ANKRD17: variants seen among roughly 807,000 people sequenced by gnomAD.
ANKRD17 encodes ankyrin repeat domain 17.
Under a neutral mutation model 229.7 loss-of-function variants are expected in ANKRD17, and 19 were observed. That is an observed-to-expected ratio of 0.08 (90% CI 0.06 to 0.12). The LOEUF is 0.12. Among genes scored for constraint, ANKRD17 ranks in the 10% least tolerant of loss-of-function variants. The pLI, the probability that ANKRD17 is intolerant of heterozygous loss-of-function variation, is 1.00. For synonymous variants in ANKRD17, 1,112 were observed against 1,146.1 expected, an observed-to-expected ratio of 0.97 and a Z score of 0.60; for missense variants, 2,176 against 3,176.8, an observed-to-expected ratio of 0.68 and a Z score of 7.57.
At position 73,248,169 on chromosome 4, in the gene ANKRD17, ACT is replaced by A. The variant is rs1279327635; in HGVS notation, c.393+10105_393+10106del. ...CTTCAAGGTAAAATTAGAATGGATG[ACT>A]CTTTAGTATAATCTAGTTGTCAAGG... On this transcript the variant is annotated intron_variant, in intron 1 of 33. Transcript: ENST00000358602. Among the ~76,000 whole-genome samples the A allele has an allele frequency of 2.0e-5, 3 of 151,952 alleles. 1 individual carries two copies. Among genetic ancestry groups the A allele is most frequent in the Non-Finnish European group, 4.4e-5 (3 of 67,870 alleles).
At position 73,100,888 on chromosome 4, in the gene ANKRD17, A is replaced by C. The variant is rs1723897540; in HGVS notation, c.4573+1488T>G. ...GCATGCACATATTTTTGGTGGTTTC[A>C]TGGCAATGGTTCCTTCCCACAATAC... On this transcript the variant is annotated intron_variant, in intron 25 of 33. Coordinates refer to ENST00000358602, the MANE Select transcript of ANKRD17 (RefSeq NM_032217.5). 4.1e-6 allele frequency: 4 copies of C among 985,440 alleles called. 1 individual carries two copies. In the South Asian group the frequency reaches 1.4e-4, roughly 35 times the overall value. 61.0% of individuals were successfully genotyped at this position (985,440 alleles called of 1,614,324 possible).
At chr4:73,103,132 T>G (rs185435872) in intron 24 of ANKRD17, among the ~76,000 whole-genome samples, 1 of 151,908 alleles carries the variant, frequency 6.6e-6, no homozygotes, top group East Asian at 1.9e-4. Flanking sequence ...ACAGTATATA[T>G]TCACAGAATA....
Position 73,077,101 on chromosome 4 carries a change from T to C in ANKRD17, c.7591A>G (p.Met2531Val). ...GYMDFPKVGG[M>V]PFSVYGNAMI... ...GCATTCCCATACACAGAAAAAGGCATACCCTTAAAAAAGGAAAACACACAC... is the reference window on the plus strand; with the variant it reads ...GCATTCCCATACACAGAAAAAGGCACACCCTTAAAAAAGGAAAACACACAC... The change falls in exon 33 of 34, where the codon ATG becomes GTG. Residue 2531 changes from methionine to valine, a missense_variant. Physicochemically the swap from Met to Val is conservative, Grantham distance 21 (BLOSUM62 1). Transcript: ENST00000358602. 4 of 1,567,912 alleles carry C rather than the reference T, an allele frequency of 2.6e-6. No homozygotes were observed. The highest frequency in any genetic ancestry group is 3.4e-6 in the Non-Finnish European group (4 of 1,159,552).
chr4:73,137,498 A>C (rs1729057705), intron 15 of ANKRD17, among the ~76,000 whole-genome samples: 2 of 152,122 alleles, frequency 1.3e-5, no homozygotes, highest in Non-Finnish European at 2.9e-5. Context: ...TATACTTTAA[A>C]CCCCTAAGAA....
At chr4:73,110,504 T>C (rs1485960050) in intron 24 of ANKRD17, among the ~76,000 whole-genome samples, 1 of 152,188 alleles carries the variant, frequency 6.6e-6, no homozygotes, top group African/African-American at 2.4e-5. Context: ...TTTTCCAAAT[T>C]AGAAAGACTG....
intron 30 of ANKRD17, among the ~76,000 whole-genome samples, chr4:73,082,862 C>T (rs1721716155): frequency 6.6e-6 from 1 of 152,052 alleles, no homozygotes; most frequent in Non-Finnish European, 1.5e-5. Flanking sequence ...ATTGAGATAA[C>T]TGATGAAATG....
chr4:73,163,030 T>C (rs1398594718), intron 2 of ANKRD17, among the ~76,000 whole-genome samples: 2 of 133,618 alleles, frequency 1.5e-5, no homozygotes, highest in African/African-American at 5.4e-5. Context: ...GGCTAATTGC[T>C]TTTTTTTTTT....
At chr4:73,178,833 A>C (rs967592076) in intron 1 of ANKRD17, among the ~76,000 whole-genome samples, 1 of 152,160 alleles carries the variant, frequency 6.6e-6, no homozygotes, top group Non-Finnish European at 1.5e-5. Flanking sequence ...GCTACTTACA[A>C]ATAGGTACTA....
In ANKRD17 at chr4:73,091,955, T is replaced by G. The variant is rs780492790; in HGVS notation, c.5673A>C (p.Ala1891=). 3 of 1,614,200 alleles carry G rather than the reference T, an allele frequency of 1.9e-6. No homozygotes were observed. Among genetic ancestry groups the G allele is most frequent in the Non-Finnish European group, 1.7e-6 (2 of 1,180,048 alleles). ...AAGTCTGAGCAGCAAGCAAAGCATG[T>G]GCAAACTGTGGAGGAGGATATGCTA... is the stretch of plus-strand genomic sequence containing the variant. ...LPLAYPPPQF[A]HALLAAQTFQ... The change falls in exon 29 of 34, where the codon GCA becomes GCC. Residue 1891 remains alanine, a synonymous_variant. Coordinates refer to ENST00000358602, the MANE Select transcript of ANKRD17 (RefSeq NM_032217.5).
intron 1 of ANKRD17, among the ~76,000 whole-genome samples, chr4:73,204,086 G>A (rs972926226): frequency 3.3e-5 from 5 of 151,834 alleles, no homozygotes; most frequent in African/African-American, 4.8e-5. Flanking sequence ...TTGTACGGGC[G>A]CGGTGGCTCA....
At chr4:73,109,682 T>C (rs1449979237) in intron 24 of ANKRD17, among the ~76,000 whole-genome samples, 1 of 152,148 alleles carries the variant, frequency 6.6e-6, no homozygotes, top group Non-Finnish European at 1.5e-5. Context: ...GGAAATCTAG[T>C]AAAGCTACTG....
intron 3 of ANKRD17, among the ~76,000 whole-genome samples, chr4:73,160,960 C>G (rs1025683830): frequency 3.3e-5 from 5 of 152,154 alleles, no homozygotes; most frequent in Admixed American, 1.3e-4. Flanking sequence ...CACTTATTAT[C>G]TATTTGATCT....
At chr4:73,120,736 G>A (rs1046669121) in intron 20 of ANKRD17, 145 bp downstream of exon 20, 4 of 721,850 alleles carry the variant, frequency 5.5e-6, no homozygotes, top group Non-Finnish European at 8.8e-6. Flanking sequence ...GTTTGACTGA[G>A]TTATACAGAA....
Position 73,090,911 on chromosome 4 carries a change from C to T in ANKRD17, c.6717G>A (p.Lys2239=), listed in dbSNP as rs1722732018. The T allele has an allele frequency of 6.2e-7, 1 of 1,614,048 alleles. No individual in the cohort carries two copies. The highest frequency in any genetic ancestry group is 1.1e-5 in the South Asian group (1 of 91,080). The part of the protein sequence containing the change: ...ACQNSVHPAN[K]PIAPNFSAPL... Reference sequence around the variant, plus strand: ...GGGCACTGAAATTGGGAGCAATAGGCTTATTTGCTGGATGTACTGAATTCT... The same window carrying T: ...GGGCACTGAAATTGGGAGCAATAGGTTTATTTGCTGGATGTACTGAATTCT... The change falls in exon 29 of 34, where the codon AAG becomes AAA. Residue 2239 remains lysine (K), a synonymous_variant. Transcript: ENST00000358602.
At chr4:73,145,747 A>G (rs888900342) in intron 10 of ANKRD17, among the ~76,000 whole-genome samples, 5 of 152,176 alleles carry the variant, frequency 3.3e-5, no homozygotes, top group Admixed American at 2.0e-4. Flanking sequence ...TATACGTTCT[A>G]TTCTAGTTAG....
chr4:73,092,311 A>AG lies in ANKRD17; in HGVS notation c.5328-12dup. On this transcript the variant is annotated splice_polypyrimidine_tract_variant and intron_variant, in intron 28 of 33. Transcript: ENST00000358602. ...GATTCAGTGCCACCCCTATAAATTGAGAAAAAAAAATTAGGTAGAATTTTC... is the reference window on the plus strand; with the variant it reads ...GATTCAGTGCCACCCCTATAAATTGAGGAAAAAAAAATTAGGTAGAATTTTC... The AG allele has an allele frequency of 6.3e-7, 1 of 1,579,096 alleles. No homozygotes were observed. The highest frequency in any genetic ancestry group is 1.7e-4 in the Middle Eastern group (1 of 5,802).
At chr4:73,158,136 AAG>A in intron 3 of ANKRD17, among the ~76,000 whole-genome samples, 1 of 144,816 alleles carries the variant, frequency 6.9e-6, no homozygotes, top group South Asian at 2.2e-4. Flanking sequence ...AAGAAGGAGA[AAG>A]AAAGAAAGGA....
intron 1 of ANKRD17, among the ~76,000 whole-genome samples, chr4:73,207,969 A>G (rs1333541973): frequency 6.6e-6 from 1 of 152,110 alleles, no homozygotes. Flanking sequence ...CAGGTGGATC[A>G]CGAGGTCAGG....
At chr4:73,221,112 G>A (rs958968605) in intron 1 of ANKRD17, among the ~76,000 whole-genome samples, 2 of 151,940 alleles carry the variant, frequency 1.3e-5, no homozygotes, top group Non-Finnish European at 1.5e-5. Flanking sequence ...CTTAGAAAAT[G>A]TTACCAAGAT....
Sources: allele counts gnomAD v4.1 joint callset (sites outside exome capture counted in the v4.1 genomes callset), GRCh38; gene constraint gnomAD v4.1.1; transcripts MANE v1.5; gene names NCBI Gene and HGNC (gene_info 2026-07-23, HGNC 2026-07-21).